The following HIRA variants were observed in gnomAD, a reference collection of about 807,000 sequenced individuals.
The protein encoded by HIRA is histone cell cycle regulator.
Under a neutral mutation model 126.6 loss-of-function variants are expected in HIRA, and 13 were observed. The observed-to-expected ratio is 0.10, with a 90% CI of 0.07 to 0.16. The LOEUF is 0.16. HIRA is among the 10% of genes least tolerant of loss of function. The pLI is 1.00. For missense variants in HIRA, 834 were observed against 1,314.4 expected (o/e 0.63, Z 5.65); for synonymous variants, 511 against 520.0 (o/e 0.98, Z 0.24).
intron 24 of HIRA, among the ~76,000 whole-genome samples, chr22:19,339,526 A>G (rs2088603028): frequency 6.6e-6 from 1 of 152,094 alleles, no homozygotes; most frequent in African/African-American, 2.4e-5. Context: ...AGTCCCAGCT[A>G]CTTGGGAGGC....
At position 19,378,464 on chromosome 22, in the gene HIRA, C is replaced by A. The variant is rs556100016; in HGVS notation, c.1416-398G>T. Reference sequence around the variant, plus strand: ...GATGGGTGTGCCATAATATACCTAACCCAGCCTCTACTGAGGGACCACAAG... The same window carrying A: ...GATGGGTGTGCCATAATATACCTAAACCAGCCTCTACTGAGGGACCACAAG... On this transcript the variant is annotated intron_variant, in intron 13 of 24. Transcript: ENST00000263208. Among the ~76,000 whole-genome samples, 12 of 152,376 alleles carry A rather than the reference C, an allele frequency of 7.9e-5. No individual in the cohort carries two copies. In the South Asian group the frequency reaches 2.5e-3, roughly 32 times the overall value.
chr22:19,337,412 G>A (rs1445905589), intron 24 of HIRA, among the ~76,000 whole-genome samples: 4 of 151,792 alleles, frequency 2.6e-5, no homozygotes, highest in African/African-American at 9.7e-5. Flanking sequence ...GTAGAAGAGA[G>A]AACTTCAGAA....
At chr22:19,390,452 G>A (rs994450533) in intron 9 of HIRA, among the ~76,000 whole-genome samples, 4 of 151,580 alleles carry the variant, frequency 2.6e-5, no homozygotes, top group African/African-American at 4.8e-5. Context: ...AAAATTAACC[G>A]GGTGTGGTGG....
chr22:19,348,535 G>A (rs994461156), intron 24 of HIRA, among the ~76,000 whole-genome samples: 12 of 151,318 alleles, frequency 7.9e-5, no homozygotes, highest in African/African-American at 2.9e-4. Flanking sequence ...TCACCCTGTC[G>A]CCTGGGCTGG....
At chr22:19,416,158 C>T (rs1318227748) in intron 1 of HIRA, among the ~76,000 whole-genome samples, 1 of 152,122 alleles carries the variant, frequency 6.6e-6, no homozygotes, top group Admixed American at 6.5e-5. Context: ...ACAAATGGTG[C>T]TGCGAAAACT....
chr22:19,408,420 A>G, intron 3 of HIRA, 63 bp downstream of exon 3: 1 of 1,038,672 alleles, frequency 9.6e-7, no homozygotes, highest in Middle Eastern at 2.1e-4. Context: ...AATTACAAAC[A>G]CATGTGCTAA....
In HIRA at chr22:19,405,899, A is replaced by G; in HGVS notation, c.303-19T>C. ...GATGTACCTGTGTGAGAAAGGGGCC[A>G]AAAAGGCACTCATGGAGTGCTCTGG... is the stretch of plus-strand genomic sequence containing the variant. On this transcript the variant is annotated intron_variant, in intron 4 of 24. Coordinates refer to ENST00000263208, the MANE Select transcript of HIRA (RefSeq NM_003325.4). The G allele has an allele frequency of 6.9e-7, 1 of 1,439,814 alleles. No homozygotes were observed. The highest frequency in any genetic ancestry group is 2.7e-5 in the East Asian group (1 of 37,604). 89.2% of individuals were successfully genotyped at this position (1,439,814 alleles called of 1,614,324 possible). A position where few individuals can be genotyped will look rare whatever the true frequency, so the allele number is the denominator to read the frequency against.
intron 24 of HIRA, among the ~76,000 whole-genome samples, chr22:19,337,687 A>C (rs1348570583): frequency 2.0e-5 from 3 of 152,200 alleles, no homozygotes; most frequent in Non-Finnish European, 4.4e-5. Flanking sequence ...TCACAAAAAG[A>C]TCATCACCCA....
chr22:19,421,800 T>C (rs2089448804), intron 1 of HIRA, among the ~76,000 whole-genome samples: 1 of 152,144 alleles, frequency 6.6e-6, no homozygotes, highest in African/African-American at 2.4e-5. Flanking sequence ...GCCTCCCGAG[T>C]TGCTGGGACT....
chr22:19,431,330 G>A (rs2089536687), intron 1 of HIRA, 110 bp downstream of exon 1: 1 of 1,255,004 alleles, frequency 8.0e-7, no homozygotes, highest in Admixed American at 1.7e-5. Context: ...TTGGGCACCG[G>A]GTACCGGGCG....
chr22:19,331,489 C>T lies in HIRA; in HGVS notation c.3005G>A (p.Arg1002His), dbSNP rs1556004608. The T allele has an allele frequency of 2.5e-6, 4 of 1,613,902 alleles. No homozygotes were observed. The highest frequency in any genetic ancestry group is 1.1e-5 in the South Asian group (1 of 91,066). Residue 1002 changes from arginine (R) to histidine (H), a missense_variant, in exon 25 of 25, where the codon CGC (arginine) becomes CAC (histidine). Physicochemically the swap from Arg to His is conservative, Grantham distance 29. This residue lies in a region of HIRA where 58 missense variants were observed against 114.5 expected (regional missense o/e 0.51). Coordinates refer to ENST00000263208, the MANE Select transcript of HIRA (RefSeq NM_003325.4). ...PVIGQNLRFQRLFTECQEQLD... is the reference protein window; with the variant it reads ...PVIGQNLRFQHLFTECQEQLD... ...CTGTTCCTGACACTCGGTGAAGAGG[C>T]GCTGGAATCGGAGGTTCTGCCCGAT...
chr22:19,354,042 T>C lies in HIRA; in HGVS notation c.2638A>G (p.Met880Val). 2.5e-6 allele frequency: 4 copies of C among 1,613,504 alleles called. No homozygotes were observed. The highest frequency in any genetic ancestry group is 3.4e-6 in the Non-Finnish European group (4 of 1,179,802). Residue 880 changes from methionine (M) to valine (V), a missense_variant, in exon 22 of 25, where the codon ATG (methionine) becomes GTG (valine). Around this residue, in one of 5 missense-constraint regions of HIRA, gnomAD observed 468 missense variants for 574.2 expected, o/e 0.82. Transcript: ENST00000263208. ...ATGGCTAACGGTCCTGAGCACAGCA[T>C]GGCGTCCTGGGATGGCAGGCTGCTC... ...FRSSLPSQDA[M>V]LCSGPLAIIQ...
chr22:19,377,981 G>C lies in HIRA; in HGVS notation c.1501C>G (p.Leu501Val), dbSNP rs780414863. The C allele has an allele frequency of 2.0e-5, 32 of 1,613,786 alleles. No homozygotes were observed. The highest frequency in any genetic ancestry group is 2.7e-5 in the Non-Finnish European group (32 of 1,179,812). Residue 501 changes from leucine to valine, a missense_variant, in exon 14 of 25, where the codon CTA (leucine) becomes GTA (valine). Around this residue, in one of 5 missense-constraint regions of HIRA, gnomAD observed 468 missense variants for 574.2 expected, o/e 0.82. Coordinates refer to ENST00000263208, the MANE Select transcript of HIRA (RefSeq NM_003325.4). ...TMLSSHSSPQ[L>V]LPLDSSTPNS... ...GGGGTACTGGAGTCCAGTGGCAGTA[G>C]CTGTGGACTGCTATGAGAAGAGAGC... is the stretch of plus-strand genomic sequence containing the variant.
At chr22:19,418,001 T>G (rs544258166) in intron 1 of HIRA, among the ~76,000 whole-genome samples, 1 of 152,318 alleles carries the variant, frequency 6.6e-6, no homozygotes, top group South Asian at 2.1e-4. Flanking sequence ...ACAAATGTCA[T>G]AGGATTCCAC....
intron 18 of HIRA, among the ~76,000 whole-genome samples, chr22:19,358,685 A>T (rs1353493247): frequency 6.6e-6 from 1 of 152,206 alleles, no homozygotes; most frequent in East Asian, 1.9e-4. Context: ...AAAAGCATTT[A>T]CATGGGACCT....
In HIRA at chr22:19,347,105, G is replaced by A. The variant is rs546757425; in HGVS notation, c.2937+4253C>T. Reference sequence around the variant, plus strand: ...ATGAAGCTCCACAACCTGCCCATGAGGGGGACTCACTGGGCAGGTTTCTGC... The same window carrying A: ...ATGAAGCTCCACAACCTGCCCATGAAGGGGACTCACTGGGCAGGTTTCTGC... On this transcript the variant is annotated intron_variant, in intron 24 of 24. Transcript: ENST00000263208. Among the ~76,000 whole-genome samples, 335 of 152,302 alleles carry A rather than the reference G, an allele frequency of 2.2e-3. 1 individual carries two copies. Among genetic ancestry groups the A allele is most frequent in the African/African-American group, 7.8e-3 (323 of 41,544 alleles).
intron 24 of HIRA, among the ~76,000 whole-genome samples, chr22:19,340,436 G>T (rs2088613961): frequency 6.6e-6 from 1 of 151,902 alleles, no homozygotes; most frequent in South Asian, 2.1e-4. Flanking sequence ...AAGATAAAAG[G>T]GTTCCCCCTG....
chr22:19,363,768 TAC>T (rs1280190796), intron 15 of HIRA, among the ~76,000 whole-genome samples: 1 of 152,054 alleles, frequency 6.6e-6, no homozygotes, highest in Non-Finnish European at 1.5e-5. Context: ...TGTGGTGGCA[TAC>T]ACATGTAATC....
chr22:19,352,072 G>A (rs1248828020), intron 23 of HIRA, among the ~76,000 whole-genome samples: 1 of 151,944 alleles, frequency 6.6e-6, no homozygotes, highest in Non-Finnish European at 1.5e-5. Flanking sequence ...GATGAAACTG[G>A]AATCTGAGGA....
Sources: allele counts gnomAD v4.1 joint callset (sites outside exome capture counted in the v4.1 genomes callset), GRCh38; gene constraint gnomAD v4.1.1; regional missense constraint gnomAD v4.1.1; transcripts MANE v1.5; gene names NCBI Gene and HGNC (gene_info 2026-07-23, HGNC 2026-07-21).